SAYSD1: variants seen among roughly 807,000 people sequenced by gnomAD.
SAYSD1 encodes the protein SAYSvFN domain-containing protein 1.
Under a neutral mutation model 14.5 loss-of-function variants are expected in SAYSD1, and 15 were observed. The observed-to-expected ratio is 1.03, with a 90% CI of 0.69 to 1.59. SAYSD1 has a LOEUF of 1.59. SAYSD1 is among the 40% of genes most tolerant of loss of function. The pLI is 0.00. For missense variants in SAYSD1, 247 were observed against 227.3 expected, an observed-to-expected ratio of 1.09 and a Z score of -0.56; for synonymous variants, 105 against 102.6, an observed-to-expected ratio of 1.02 and a Z score of -0.14.
Position 39,107,104 on chromosome 6 carries a change from C to T in SAYSD1, c.208-1328G>A, listed in dbSNP as rs570523958. 2.6e-5 allele frequency among the ~76,000 whole-genome samples: 4 copies of T among 152,348 alleles called. No homozygotes were observed. In the East Asian group the frequency reaches 5.8e-4, roughly 22 times the overall value. On this transcript the variant is annotated intron_variant, in intron 1 of 1. Coordinates refer to ENST00000229903, the MANE Select transcript of SAYSD1 (RefSeq NM_018322.3). The stretch of plus-strand genomic sequence containing the variant: ...AATTTCACCATCCACTAATGGGTCA[C>T]AGTGGTCTAGGAAATTCCATGACAA...
At chr6:39,114,067 T>G (rs1769682940) in intron 1 of SAYSD1, among the ~76,000 whole-genome samples, 1 of 152,200 alleles carries the variant, frequency 6.6e-6, no homozygotes, top group East Asian at 1.9e-4. Context: ...AAAAGGAATT[T>G]TTTAGTTCTT....
chr6:39,109,540 T>A (rs1174592340), intron 1 of SAYSD1: 4 of 1,443,002 alleles, frequency 2.8e-6, no homozygotes, highest in East Asian at 5.0e-5. Flanking sequence ...GCTTTGTTGC[T>A]CCAAATGACA....
At chr6:39,109,539 C>T in intron 1 of SAYSD1, 1 of 1,442,550 alleles carries the variant, frequency 6.9e-7, no homozygotes, top group Non-Finnish European at 9.1e-7. Flanking sequence ...GGCTTTGTTG[C>T]TCCAAATGAC....
chr6:39,106,035 G>T (rs775496410), intron 1 of SAYSD1, among the ~76,000 whole-genome samples: 27 of 152,192 alleles, frequency 1.8e-4, no homozygotes, highest in Admixed American at 6.5e-4. Context: ...ATTCGTGGGA[G>T]TCATTTCTTC....
At chr6:39,107,119 T>C (rs1252202344) in intron 1 of SAYSD1, among the ~76,000 whole-genome samples, 2 of 152,224 alleles carry the variant, frequency 1.3e-5, no homozygotes, top group Non-Finnish European at 2.9e-5. Flanking sequence ...GTCTAGGAAA[T>C]TCCATGACAA....
chr6:39,114,789 C>T, intron 1 of SAYSD1, 94 bp downstream of exon 1: 5 of 1,303,472 alleles, frequency 3.8e-6, no homozygotes, highest in Non-Finnish European at 5.4e-6. Context: ...AGCCCCGCCT[C>T]CGGCAGCTAG....
In SAYSD1 at chr6:39,105,537, CTT is replaced by C. The variant is rs1769483219; in HGVS notation, c.445_446del (p.Lys149GlufsTer11). ...CTGGATTGAACACAGAGTAGGCGCT[CTT>C]CTCTCCCTCTTTCTTCTCTTCAGGG... ...RGPEEKKEGE[K>X]SAYSVFNPGC... On this transcript the variant is annotated frameshift_variant, in exon 2 of 2. Transcript: ENST00000229903. LOFTEE classifies it high-confidence loss of function. 6.2e-7 allele frequency: 1 copy of C among 1,614,252 alleles called. No homozygotes were observed. Among genetic ancestry groups the C allele is most frequent in the Non-Finnish European group, 8.5e-7 (1 of 1,180,046 alleles).
At chr6:39,107,136 CCA>C (rs971151852) in intron 1 of SAYSD1, among the ~76,000 whole-genome samples, 1 of 152,210 alleles carries the variant, frequency 6.6e-6, no homozygotes, top group African/African-American at 2.4e-5. Flanking sequence ...ACAACACGAT[CCA>C]CAATCTTTTG....
rs1348550327 is a variant in SAYSD1, at chr6:39,115,033, G to A, written c.57C>T (p.Ala19=). The A allele has an allele frequency of 6.2e-7, 1 of 1,612,690 alleles. No homozygotes were observed. ...CGCCCTGACTGGCAGCAGGGGGTTG[G>A]GCCGCCAGACCCGCCCGTTTCCGCG... ...RAARKRAGLA[A]QPPAASQGAQ... Residue 19 remains alanine, a synonymous_variant, in exon 1 of 2, where the codon GCC becomes GCT. Coordinates refer to ENST00000229903, the MANE Select transcript of SAYSD1 (RefSeq NM_018322.3).
intron 1 of SAYSD1, among the ~76,000 whole-genome samples, chr6:39,108,371 C>T (rs762672100): frequency 7.3e-6 from 1 of 136,202 alleles, no homozygotes; most frequent in Admixed American, 8.5e-5. Flanking sequence ...TAATTAGGGG[C>T]CTTTATGGGG....
intron 1 of SAYSD1, among the ~76,000 whole-genome samples, chr6:39,108,338 T>C (rs1050650452): frequency 1.4e-5 from 2 of 145,462 alleles, no homozygotes; most frequent in African/African-American, 2.5e-5. Flanking sequence ...CCTAGGATGG[T>C]CTCCTCCAAA....
intron 1 of SAYSD1, chr6:39,109,511 C>A: frequency 1.4e-6 from 2 of 1,465,086 alleles, no homozygotes; most frequent in Non-Finnish European, 1.8e-6. Context: ...AGAGCTTGGC[C>A]CAAATGGAGG....
At chr6:39,106,330 C>T (rs1393166155) in intron 1 of SAYSD1, among the ~76,000 whole-genome samples, 1 of 152,050 alleles carries the variant, frequency 6.6e-6, no homozygotes, top group African/African-American at 2.4e-5. Flanking sequence ...GAGTTTGAGA[C>T]CAGCCTGGCC....
rs756057513 is a variant in SAYSD1, at chr6:39,115,064, C to G, written c.26G>C (p.Arg9Pro). The G allele has an allele frequency of 4.3e-6, 7 of 1,609,230 alleles. No individual in the cohort carries two copies. Among genetic ancestry groups the G allele is most frequent in the Admixed American group, 3.3e-5 (2 of 59,976 alleles). The change falls in exon 1 of 2, where the codon CGG becomes CCG. Residue 9 changes from arginine to proline, a missense_variant. By Grantham distance (103) the Arg-to-Pro change is moderately radical. Coordinates refer to ENST00000229903, the MANE Select transcript of SAYSD1 (RefSeq NM_018322.3). Reference protein sequence around the residue: MEQRLAEFRAARKRAGLAA... With the variant: MEQRLAEFPAARKRAGLAA... ...CAGACCCGCCCGTTTCCGCGCCGCC[C>G]GAAACTCAGCTAACCGCTGTTCCAT...
rs186535628 is a variant in SAYSD1, at chr6:39,106,237, G to A, written c.208-461C>T. 4.0e-3 allele frequency among the ~76,000 whole-genome samples: 592 copies of A among 149,376 alleles called. 2 individuals are homozygous for A. Among genetic ancestry groups the A allele is most frequent in the Non-Finnish European group, 6.1e-3 (411 of 67,214 alleles). ...GACAGGAAACAAAAATCCTTTTTAC[G>A]TTTAAAAAAAAAAATCAGCCAGGTG... On this transcript the variant is annotated intron_variant, in intron 1 of 1. Coordinates refer to ENST00000229903, the MANE Select transcript of SAYSD1 (RefSeq NM_018322.3).
Position 39,114,991 on chromosome 6 carries a change from C to T in SAYSD1, c.99G>A (p.Glu33=), listed in dbSNP as rs1368680100. 4 of 1,613,804 alleles carry T rather than the reference C, an allele frequency of 2.5e-6. No individual in the cohort carries two copies. In the African/African-American group the frequency reaches 4.0e-5, roughly 16 times the overall value. ...TTAGAGTCGCTGCTGCTTCCGCCTTCTCTCCTGGGGTTTGTGCGCCCTGAC... is the reference window on the plus strand; with the variant it reads ...TTAGAGTCGCTGCTGCTTCCGCCTTTTCTCCTGGGGTTTGTGCGCCCTGAC... ...AASQGAQTPG[E]KAEAAATLKA... The change falls in exon 1 of 2, where the codon GAG becomes GAA. Residue 33 remains glutamate (E), a synonymous_variant. Coordinates refer to ENST00000229903, the MANE Select transcript of SAYSD1 (RefSeq NM_018322.3).
intron 1 of SAYSD1, chr6:39,109,665 A>C (rs1769589800): frequency 3.5e-6 from 4 of 1,139,760 alleles, no homozygotes; most frequent in Admixed American, 4.1e-5. Context: ...TCCATGCCTG[A>C]GATTAAAAGG....
intron 1 of SAYSD1, chr6:39,110,599 T>C (rs892038460): frequency 6.6e-6 from 1 of 152,238 alleles, no homozygotes; most frequent in Admixed American, 6.5e-5. Flanking sequence ...ACCATGTGAA[T>C]ACTGAAGTGC....
intron 1 of SAYSD1, among the ~76,000 whole-genome samples, chr6:39,109,135 C>T (rs994919813): frequency 1.3e-5 from 2 of 152,114 alleles, no homozygotes; most frequent in African/African-American, 4.8e-5. Flanking sequence ...TGTGCTTAGC[C>T]AGGCGACTCC....
Sources: gnomAD v4.1 joint callset for allele counts (sites outside exome capture counted in the v4.1 genomes callset) on GRCh38, gnomAD v4.1.1 for gene constraint, MANE v1.5 for transcripts, NCBI Gene and HGNC (gene_info 2026-07-23, HGNC 2026-07-21) for gene names.